The following DACH2 variants were observed in gnomAD, a reference collection of about 807,000 sequenced individuals.
DACH2 encodes the protein dachshund homolog 2.
DACH2 carries 17 observed loss-of-function variants against 35.8 expected under a neutral mutation model. The ratio of observed to expected loss-of-function variants is 0.48; its 90% CI spans 0.33 to 0.71. DACH2 has a LOEUF of 0.71. Among genes scored for constraint, DACH2 ranks in the 30% least tolerant of loss-of-function variants. The pLI, the probability that DACH2 is intolerant of heterozygous loss-of-function variation, is 0.02. For synonymous variants in DACH2, 195 were observed against 177.3 expected, an observed-to-expected ratio of 1.10 and a Z score of -0.79; for missense variants, 469 against 472.7, an observed-to-expected ratio of 0.99 and a Z score of 0.07.
At chrX:86,340,298 A>G (rs1214473807) in intron 1 of DACH2, among the ~76,000 whole-genome samples, 2 of 111,652 alleles carry the variant, frequency 1.8e-5, no homozygotes, top group Admixed American at 1.9e-4. Context: ...ACATTTTGGT[A>G]ATTCTCACAA....
At chrX:86,691,621 C>T (rs1256698203) in intron 4 of DACH2, among the ~76,000 whole-genome samples, 1 of 111,345 alleles carries the variant, frequency 9.0e-6, no homozygotes, top group Non-Finnish European at 1.9e-5. Flanking sequence ...AGCATGAACT[C>T]GCACAGAGGA....
chrX:86,395,997 C>T (rs897298484), intron 2 of DACH2, among the ~76,000 whole-genome samples: 2 of 111,673 alleles, frequency 1.8e-5, no homozygotes, highest in African/African-American at 6.5e-5. Context: ...AGTTTACAGT[C>T]CCACCAACAG....
chrX:86,748,245 A>G (rs2041733706), intron 7 of DACH2, among the ~76,000 whole-genome samples: 1 of 112,129 alleles, frequency 8.9e-6, no homozygotes, highest in Non-Finnish European at 1.9e-5. Context: ...ACCTCTTTCC[A>G]TGAATCACAA....
intron 3 of DACH2, among the ~76,000 whole-genome samples, chrX:86,547,435 T>C (rs1417073038): frequency 9.1e-6 from 1 of 110,448 alleles, no homozygotes; most frequent in Non-Finnish European, 1.9e-5. Context: ...GAAGATCATT[T>C]CGACTTTGTC....
intron 3 of DACH2, among the ~76,000 whole-genome samples, chrX:86,634,946 C>G (rs2040244058): frequency 1.8e-5 from 2 of 111,206 alleles, no homozygotes; most frequent in East Asian, 2.8e-4. Context: ...AAAAGAAGAG[C>G]TGGTACCATG....
At chrX:86,180,807 G>T (rs1415875065) in intron 1 of DACH2, among the ~76,000 whole-genome samples, 1 of 111,849 alleles carries the variant, frequency 8.9e-6, no homozygotes, top group Non-Finnish European at 1.9e-5. Context: ...CGAAGCCAAT[G>T]AGTCTAACGT....
chrX:86,436,564 A>G (rs1196078153), intron 2 of DACH2, among the ~76,000 whole-genome samples: 1 of 107,136 alleles, frequency 9.3e-6, no homozygotes, highest in East Asian at 2.8e-4. Flanking sequence ...TGTTTCATTT[A>G]CTTTGATGAT....
chrX:86,760,081 GT>G (rs1247680753), intron 7 of DACH2, among the ~76,000 whole-genome samples: 2 of 111,276 alleles, frequency 1.8e-5, no homozygotes, highest in Non-Finnish European at 3.8e-5. Context: ...AGTCATTAGG[GT>G]TCCATTATAA....
intron 7 of DACH2, chrX:86,799,147 C>T: frequency 3.2e-6 from 1 of 315,365 alleles, no homozygotes; most frequent in Non-Finnish European, 6.1e-6. Context: ...TCCTCCAAGA[C>T]CCTGGAACTC....
chrX:86,832,045 T>C, intron 11 of DACH2, 61 bp from the exon 12 acceptor site: 2 of 815,998 alleles, frequency 2.5e-6, no homozygotes, highest in Non-Finnish European at 1.8e-6. Context: ...AGTTTTAGTA[T>C]TTTTAAGCAC....
At chrX:86,540,400 G>A (rs939547967) in intron 3 of DACH2, among the ~76,000 whole-genome samples, 22 of 111,862 alleles carry the variant, frequency 2.0e-4, no homozygotes, top group African/African-American at 7.1e-4. Context: ...CAACCATCAT[G>A]CCAAAAAAAA....
intron 1 of DACH2, among the ~76,000 whole-genome samples, chrX:86,168,399 A>T (rs2031014772): frequency 9.0e-6 from 1 of 110,626 alleles, no homozygotes; most frequent in Non-Finnish European, 1.9e-5. Context: ...ATTTTTTCCT[A>T]TCCCTTTAGC....
chrX:86,417,143 T>C (rs1328153267), intron 2 of DACH2, among the ~76,000 whole-genome samples: 2 of 81,946 alleles, frequency 2.4e-5, no homozygotes, highest in African/African-American at 4.7e-5. Flanking sequence ...TCCCATACAC[T>C]AATAGATCAA....
At position 86,292,453 on chromosome X, in the gene DACH2, C is replaced by G. The variant is rs373506117; in HGVS notation, c.489-84371C>G. Reference sequence around the variant, plus strand: ...AGTTCTGCTCTGATTTTAGTTATTTCTTGCCTTCTGCTAGCTTTTGAATGT... The same window carrying G: ...AGTTCTGCTCTGATTTTAGTTATTTGTTGCCTTCTGCTAGCTTTTGAATGT... On this transcript the variant is annotated intron_variant, in intron 1 of 11. Coordinates refer to ENST00000373125, the MANE Select transcript of DACH2 (RefSeq NM_053281.3). Among the ~76,000 whole-genome samples the G allele has an allele frequency of 1.6e-4, 17 of 107,594 alleles. No individual in the cohort carries two copies. The East Asian group carries it at 3.3e-3, about 21-fold the overall frequency. The allele number at this position is 107,594 out of a possible 115,157, so 93.4% of individuals were successfully genotyped here. A position where few individuals can be genotyped will look rare whatever the true frequency, so the allele number is the denominator to read the frequency against.
At chrX:86,307,755 C>T (rs1483551922) in intron 1 of DACH2, among the ~76,000 whole-genome samples, 2 of 111,074 alleles carry the variant, frequency 1.8e-5, no homozygotes, top group African/African-American at 6.6e-5. Flanking sequence ...AGTGTGACCC[C>T]TGAGGAGGTG....
At chrX:86,446,113 G>A (rs2037269434) in intron 2 of DACH2, among the ~76,000 whole-genome samples, 1 of 110,166 alleles carries the variant, frequency 9.1e-6, no homozygotes, top group Non-Finnish European at 1.9e-5. Flanking sequence ...TTACTTTTTT[G>A]TCTCTGTATG....
intron 3 of DACH2, among the ~76,000 whole-genome samples, chrX:86,610,362 C>CT (rs2039916474): frequency 5.3e-5 from 4 of 75,645 alleles, no homozygotes; most frequent in Admixed American, 1.6e-4. Flanking sequence ...TTCCTTCCTT[C>CT]CTCTTTCTTT....
chrX:86,272,226 G>GTATA (rs745620799), intron 1 of DACH2, among the ~76,000 whole-genome samples: 2 of 110,038 alleles, frequency 1.8e-5, no homozygotes, highest in African/African-American at 6.6e-5. Flanking sequence ...GTGTGTGTGT[G>GTATA]TATATCACAT....
chrX:86,396,153 T>G (rs1020090546), intron 2 of DACH2, among the ~76,000 whole-genome samples: 14 of 112,342 alleles, frequency 1.2e-4, no homozygotes, highest in Non-Finnish European at 2.4e-4. Flanking sequence ...GATGAGGATT[T>G]TTTCATGTGT....
Sources: allele counts gnomAD v4.1 joint callset (sites outside exome capture counted in the v4.1 genomes callset), GRCh38; gene constraint gnomAD v4.1.1; transcripts MANE v1.5; gene names NCBI Gene and HGNC (gene_info 2026-07-23, HGNC 2026-07-21).